ZDHHC20: variants seen among roughly 807,000 people sequenced by gnomAD.
ZDHHC20 encodes the protein zDHHC palmitoyltransferase 20.
A neutral mutation model predicts 57.8 loss-of-function variants in ZDHHC20; 43 were observed. The ratio of observed to expected loss-of-function variants is 0.74; its 90% CI spans 0.58 to 0.96. ZDHHC20 has a LOEUF of 0.96. ZDHHC20 is among the 40% of genes least tolerant of loss of function. The pLI is 0.00. For synonymous variants in ZDHHC20, 157 were observed against 153.0 expected (o/e 1.03, Z -0.19); for missense variants, 391 against 441.1 (o/e 0.89, Z 1.02).
rs747307477 is a variant in ZDHHC20, at chr13:21,414,527, A to ATTTTTTTTTTTTTTTTTT, written c.250-756_250-755insAAAAAAAAAAAAAAAAAA. On this transcript the variant is annotated intron_variant, in intron 3 of 12. Coordinates refer to ENST00000400590, the MANE Select transcript of ZDHHC20 (RefSeq NM_001330059.2). ...AGGCGCACGCCACTATGCCCGGATA[A>ATTTTTTTTTTTTTTTTTT]TTTTTTTTTTTTTTTTTGTATTTTT... Among the ~76,000 whole-genome samples, 73 of 107,506 alleles carry ATTTTTTTTTTTTTTTTTT rather than the reference A, an allele frequency of 6.8e-4. 2 individuals carry two copies. Among genetic ancestry groups the ATTTTTTTTTTTTTTTTTT allele is most frequent in the Non-Finnish European group, 1.1e-3 (55 of 49,260 alleles). 70.5% of individuals were successfully genotyped at this position (107,506 alleles called of 152,430 possible).
intron 1 of ZDHHC20, among the ~76,000 whole-genome samples, chr13:21,451,509 A>G (rs1395031385): frequency 1.3e-5 from 2 of 152,206 alleles, no homozygotes; most frequent in Non-Finnish European, 2.9e-5. Context: ...TTTATATTCT[A>G]ATTCAATGTA....
chr13:21,389,079 G>T (rs1875155032), intron 8 of ZDHHC20, among the ~76,000 whole-genome samples: 1 of 152,162 alleles, frequency 6.6e-6, no homozygotes, highest in African/African-American at 2.4e-5. Context: ...TCAGTTCTAA[G>T]CGATTAAAAA....
In ZDHHC20 at chr13:21,435,303, T is replaced by A. The variant is rs192244827; in HGVS notation, c.119-9625A>T. On this transcript the variant is annotated intron_variant, in intron 1 of 12. Coordinates refer to ENST00000400590, the MANE Select transcript of ZDHHC20 (RefSeq NM_001330059.2). ...GGCTTTCCTCATTGCCTTAAGATCA[T>A]CCACCCATATTTTCTTCTAATGCTT... is the stretch of plus-strand genomic sequence containing the variant. 4.6e-5 allele frequency among the ~76,000 whole-genome samples: 7 copies of A among 152,318 alleles called. No individual in the cohort carries two copies. The East Asian group carries it at 1.2e-3, about 25-fold the overall frequency.
chr13:21,430,104 T>C (rs2137950034), intron 1 of ZDHHC20, among the ~76,000 whole-genome samples: 1 of 152,328 alleles, frequency 6.6e-6, no homozygotes, highest in East Asian at 1.9e-4. Context: ...TCTCATTTAG[T>C]TTTCCTGGTT....
At chr13:21,449,791 T>C (rs1484031464) in intron 1 of ZDHHC20, among the ~76,000 whole-genome samples, 1 of 151,716 alleles carries the variant, frequency 6.6e-6, no homozygotes, top group East Asian at 1.9e-4. Context: ...ATTACAGGTG[T>C]GTGCTAATTT....
chr13:21,454,713 A>G (rs757770902), intron 1 of ZDHHC20, among the ~76,000 whole-genome samples: 6 of 152,250 alleles, frequency 3.9e-5, no homozygotes, highest in Non-Finnish European at 8.8e-5. Flanking sequence ...CAGAATCAAC[A>G]GTGTCAAGCT....
At chr13:21,404,920 T>C (rs1182030077) in intron 4 of ZDHHC20, among the ~76,000 whole-genome samples, 1 of 152,168 alleles carries the variant, frequency 6.6e-6, no homozygotes, top group African/African-American at 2.4e-5. Context: ...TTTGAAGCAA[T>C]GTTAGAAGCT....
At chr13:21,389,200 G>A (rs940572289) in intron 8 of ZDHHC20, among the ~76,000 whole-genome samples, 1 of 152,128 alleles carries the variant, frequency 6.6e-6, no homozygotes, top group African/African-American at 2.4e-5. Flanking sequence ...TGACAGTTAT[G>A]AAGAAGACAG....
Position 21,376,375 on chromosome 13 carries a change from T to C in ZDHHC20, c.*321A>G. The stretch of plus-strand genomic sequence containing the variant: ...CAAAAAATACATATGCATGTTAAAA[T>C]GTGATGACAGCTCATATTATAGCAA... On this transcript the variant is annotated 3_prime_UTR_variant, in exon 13 of 13. Coordinates refer to ENST00000400590, the MANE Select transcript of ZDHHC20 (RefSeq NM_001330059.2). The C allele has an allele frequency of 4.1e-6, 1 of 241,464 alleles. No individual in the cohort carries two copies. The highest frequency in any genetic ancestry group is 8.0e-6 in the Non-Finnish European group (1 of 125,410). 15.0% of individuals were successfully genotyped at this position (241,464 alleles called of 1,614,324 possible).
intron 9 of ZDHHC20, among the ~76,000 whole-genome samples, chr13:21,385,897 T>C (rs777160204): frequency 6.6e-6 from 1 of 152,030 alleles, no homozygotes; most frequent in Non-Finnish European, 1.5e-5. Context: ...GAAATAAAGA[T>C]GGGAGTCAGG....
At chr13:21,410,214 G>A (rs1236384461) in intron 4 of ZDHHC20, among the ~76,000 whole-genome samples, 1 of 152,184 alleles carries the variant, frequency 6.6e-6, no homozygotes, top group Non-Finnish European at 1.5e-5. Context: ...CACCAGCGGA[G>A]GCTGCAGAAC....
At chr13:21,427,561 C>T (rs1316480105) in intron 1 of ZDHHC20, among the ~76,000 whole-genome samples, 2 of 152,100 alleles carry the variant, frequency 1.3e-5, no homozygotes, top group African/African-American at 2.4e-5. Context: ...AGGCCGGGCA[C>T]GGTGGCTCAC....
chr13:21,441,710 C>T (rs1883194048), intron 1 of ZDHHC20, among the ~76,000 whole-genome samples: 1 of 151,832 alleles, frequency 6.6e-6, no homozygotes, highest in South Asian at 2.1e-4. Context: ...CCCTCTTCCA[C>T]TATATTTTCA....
chr13:21,416,601 A>C (rs920405965), intron 3 of ZDHHC20, among the ~76,000 whole-genome samples: 1 of 152,238 alleles, frequency 6.6e-6, no homozygotes, highest in Non-Finnish European at 1.5e-5. Flanking sequence ...CATAAAGTAC[A>C]ACATTAATAA....
chr13:21,412,890 C>T (rs1306025425), intron 4 of ZDHHC20, among the ~76,000 whole-genome samples: 3 of 143,928 alleles, frequency 2.1e-5, no homozygotes, highest in African/African-American at 7.8e-5. Context: ...ATCACTTGAA[C>T]CCTGGGGGTG....
intron 10 of ZDHHC20, 148 bp from the exon 11 acceptor site, chr13:21,381,697 A>G (rs1464340289): frequency 3.2e-6 from 2 of 617,718 alleles, no homozygotes; most frequent in African/African-American, 3.7e-5. Context: ...ACTATCTTCA[A>G]AATAAAAATA....
At chr13:21,415,353 A>G (rs1879823507) in intron 3 of ZDHHC20, among the ~76,000 whole-genome samples, 1 of 152,138 alleles carries the variant, frequency 6.6e-6, no homozygotes, top group South Asian at 2.1e-4. Flanking sequence ...AAAACACCAT[A>G]CTTTAGGAAA....
At chr13:21,416,744 T>C (rs1880028626) in intron 3 of ZDHHC20, among the ~76,000 whole-genome samples, 2 of 152,088 alleles carry the variant, frequency 1.3e-5, no homozygotes, top group Admixed American at 1.3e-4. Context: ...GAAAAGAAAA[T>C]CTTGGCAAAG....
At chr13:21,414,517 T>C (rs899022687) in intron 3 of ZDHHC20, among the ~76,000 whole-genome samples, 7 of 148,838 alleles carry the variant, frequency 4.7e-5, no homozygotes, top group East Asian at 1.9e-4. Context: ...CACGCCACTA[T>C]GCCCGGATAA....
Sources: allele counts gnomAD v4.1 joint callset (sites outside exome capture counted in the v4.1 genomes callset), GRCh38; gene constraint gnomAD v4.1.1; transcripts MANE v1.5; gene names NCBI Gene and HGNC (gene_info 2026-07-23, HGNC 2026-07-21).